The following FAM118B variants were observed in gnomAD, a reference collection of about 807,000 sequenced individuals.
FAM118B encodes SIR2 antiphage like 1, also known as protein FAM118B.
FAM118B carries 24 observed loss-of-function variants against 38.5 expected under a neutral mutation model. That is an observed-to-expected ratio of 0.62 (90% CI 0.45 to 0.88). The LOEUF (loss-of-function observed/expected upper bound fraction) is 0.88. FAM118B is among the 40% of genes least tolerant of loss of function. The pLI is 0.00. For synonymous variants in FAM118B, 138 were observed against 156.3 expected (o/e 0.88, Z 0.87); for missense variants, 334 against 420.0 (o/e 0.80, Z 1.79).
At chr11:126,237,295 AC>A (rs1202088170) in intron 3 of FAM118B, among the ~76,000 whole-genome samples, 2 of 127,360 alleles carry the variant, frequency 1.6e-5, no homozygotes, top group African/African-American at 6.1e-5. Context: ...ATCTCAGCTC[AC>A]TGCAACCTCT....
intron 2 of FAM118B, 62 bp from the exon 3 acceptor site, chr11:126,234,933 G>A: frequency 7.6e-7 from 1 of 1,317,074 alleles, no homozygotes. Flanking sequence ...TAATATATGT[G>A]CTATTTTGAA....
intron 1 of FAM118B, among the ~76,000 whole-genome samples, chr11:126,216,202 C>G (rs1385908439): frequency 6.6e-6 from 1 of 151,904 alleles, no homozygotes; most frequent in Admixed American, 6.6e-5. Context: ...ATGGTGAAAC[C>G]CAATCTCTAC....
chr11:126,262,025 C>G (rs1010067579), intron 8 of FAM118B, 95 bp from the exon 9 acceptor site: 5 of 1,198,922 alleles, frequency 4.2e-6, no homozygotes, highest in Non-Finnish European at 6.1e-6. Flanking sequence ...GTCTTGCCTT[C>G]TGAAGGGTTA....
At position 126,253,721 on chromosome 11, in the gene FAM118B, G is replaced by T. The variant is rs1337344619; in HGVS notation, c.568-584G>T. On this transcript the variant is annotated intron_variant, in intron 5 of 8. Transcript: ENST00000533050. The surrounding 1 kb of genome is among the most constrained non-coding windows in gnomAD (Gnocchi z 5.1). ...CGCACCAGGGCTGAGTGATATAAGGGGACCATACTTCCCTGCAAGCAATTG... is the reference window on the plus strand; with the variant it reads ...CGCACCAGGGCTGAGTGATATAAGGTGACCATACTTCCCTGCAAGCAATTG... Among the ~76,000 whole-genome samples the T allele has an allele frequency of 6.6e-6, 1 of 152,094 alleles. No homozygotes were observed. The highest frequency in any genetic ancestry group is 1.5e-5 in the Non-Finnish European group (1 of 68,008).
In FAM118B at chr11:126,262,277, G is replaced by T; in HGVS notation, c.*144G>T. 1 of 805,896 alleles carries T rather than the reference G, an allele frequency of 1.2e-6. No individual in the cohort carries two copies. The highest frequency in any genetic ancestry group is 2.1e-6 in the Non-Finnish European group (1 of 487,098). The allele number at this position is 805,896 out of a possible 1,614,324, so 49.9% of individuals were successfully genotyped here. A position where few individuals can be genotyped will look rare whatever the true frequency, so the allele number is the denominator to read the frequency against. On this transcript the variant is annotated 3_prime_UTR_variant, in exon 9 of 9. Transcript: ENST00000533050. ...GTTGAAGGGCGGGGTAGAAGAGGGG[G>T]GAATGTTGCAGCGTAATCCTTCATA... is the stretch of plus-strand genomic sequence containing the variant.
chr11:126,254,508 A>AG, intron 6 of FAM118B, 75 bp downstream of exon 6: 4 of 1,567,490 alleles, frequency 2.6e-6, no homozygotes, highest in South Asian at 2.3e-5. Context: ...TAGATCTTAA[A>AG]GGGGAACATC....
intron 2 of FAM118B, among the ~76,000 whole-genome samples, chr11:126,232,045 C>CT (rs1328742730): frequency 2.0e-5 from 3 of 152,214 alleles, no homozygotes; most frequent in South Asian, 2.1e-4. Flanking sequence ...TAGTTTTGGA[C>CT]TTTAAGTTTT....
In FAM118B at chr11:126,254,363, A is replaced by G. The variant is rs139686612; in HGVS notation, c.626A>G (p.Tyr209Cys). 203 of 1,614,076 alleles carry G rather than the reference A, an allele frequency of 1.3e-4. No individual in the cohort carries two copies. The highest frequency in any genetic ancestry group is 1.7e-4 in the Non-Finnish European group (201 of 1,180,044). Residue 209 changes from tyrosine to cysteine, a missense_variant, in exon 6 of 9, where the codon TAC becomes TGC. Around this residue, in one of 3 missense-constraint regions of FAM118B, gnomAD observed 240 missense variants for 295.9 expected, o/e 0.81. Coordinates refer to ENST00000533050, the MANE Select transcript of FAM118B (RefSeq NM_024556.4). Reference protein sequence around the residue: ...KLSVLHIHGVYTNPSGIVLHP... With the variant: ...KLSVLHIHGVCTNPSGIVLHP... ...AGCGTGTTGCATATTCACGGAGTCT[A>G]CACCAACCCTAGTGGCATTGTCCTT...
chr11:126,262,294 T>C lies in FAM118B; in HGVS notation c.*161T>C, dbSNP rs1950717242. 1 of 677,946 alleles carries C rather than the reference T, an allele frequency of 1.5e-6. No homozygotes were observed. The highest frequency in any genetic ancestry group is 2.5e-6 in the Non-Finnish European group (1 of 394,522). The allele number at this position is 677,946 out of a possible 1,614,324, so 42.0% of individuals were successfully genotyped here. A position where few individuals can be genotyped will look rare whatever the true frequency, so the allele number is the denominator to read the frequency against. ...AAGAGGGGGGAATGTTGCAGCGTAA[T>C]CCTTCATACCACCTGGTTCTTGATA... On this transcript the variant is annotated 3_prime_UTR_variant, in exon 9 of 9. Coordinates refer to ENST00000533050, the MANE Select transcript of FAM118B (RefSeq NM_024556.4).
At chr11:126,228,127 T>A (rs1256323248) in intron 1 of FAM118B, among the ~76,000 whole-genome samples, 1 of 152,006 alleles carries the variant, frequency 6.6e-6, no homozygotes, top group Non-Finnish European at 1.5e-5. Flanking sequence ...TTCAGCTCTA[T>A]TTAAGTTGGA....
chr11:126,237,590 A>C (rs1950294218), intron 3 of FAM118B, among the ~76,000 whole-genome samples: 1 of 137,844 alleles, frequency 7.3e-6, no homozygotes, highest in Non-Finnish European at 1.6e-5. Flanking sequence ...TCATCCCAGC[A>C]CTTTGGGAGG....
chr11:126,216,520 T>C (rs1949981008), intron 1 of FAM118B, among the ~76,000 whole-genome samples: 1 of 152,220 alleles, frequency 6.6e-6, no homozygotes, highest in South Asian at 2.1e-4. Flanking sequence ...TCTTGAAACA[T>C]GATATAACAA....
rs763318469 is a variant in FAM118B, at chr11:126,253,860, C to T, written c.568-445C>T. ...TAAGACTTCTTGTGCCAACACTTTTCAAGCTTCTGCTTGTGTGTGTTTGCT... is the reference window on the plus strand; with the variant it reads ...TAAGACTTCTTGTGCCAACACTTTTTAAGCTTCTGCTTGTGTGTGTTTGCT... On this transcript the variant is annotated intron_variant, in intron 5 of 8. Transcript: ENST00000533050. The surrounding 1 kb of genome is among the most constrained non-coding windows in gnomAD (Gnocchi z 5.1). Among the ~76,000 whole-genome samples the T allele has an allele frequency of 6.6e-6, 1 of 152,182 alleles. No individual in the cohort carries two copies. Among genetic ancestry groups the T allele is most frequent in the Non-Finnish European group, 1.5e-5 (1 of 68,034 alleles).
At chr11:126,237,711 G>A (rs1312664190) in intron 3 of FAM118B, among the ~76,000 whole-genome samples, 4 of 146,294 alleles carry the variant, frequency 2.7e-5, no homozygotes, top group Non-Finnish European at 6.0e-5. Flanking sequence ...AAAAAAATTA[G>A]CGGGGCGTGG....
intron 4 of FAM118B, among the ~76,000 whole-genome samples, chr11:126,246,725 GCTA>G (rs1950423644): frequency 6.6e-6 from 1 of 152,204 alleles, no homozygotes; most frequent in South Asian, 2.1e-4. Flanking sequence ...ACAGGCTTGA[GCTA>G]CCATGCCAAT....
Position 126,218,347 on chromosome 11 carries a change from A to G in FAM118B, c.-77+6517A>G, listed in dbSNP as rs567210757. Among the ~76,000 whole-genome samples the G allele has an allele frequency of 4.2e-4, 64 of 152,266 alleles. 1 individual carries two copies. Among genetic ancestry groups the G allele is most frequent in the Admixed American group, 1.5e-3 (23 of 15,296 alleles). ...CCCACACCTCACTTTGGATGAATCC[A>G]CAAGTCTTTCCTTAAATGTCACCTC... On this transcript the variant is annotated intron_variant, in intron 1 of 8. Coordinates refer to ENST00000533050, the MANE Select transcript of FAM118B (RefSeq NM_024556.4).
chr11:126,230,892 C>T (rs1950199482), intron 2 of FAM118B, among the ~76,000 whole-genome samples: 2 of 152,212 alleles, frequency 1.3e-5, no homozygotes, highest in African/African-American at 2.4e-5. Context: ...TTCAAGTCCA[C>T]AAGTCCTCTG....
Position 126,254,371 on chromosome 11 carries a change from C to T in FAM118B, c.634C>T (p.Pro212Ser). The T allele has an allele frequency of 5.6e-6, 9 of 1,614,206 alleles. No individual in the cohort carries two copies. Among genetic ancestry groups the T allele is most frequent in the Non-Finnish European group, 7.6e-6 (9 of 1,180,034 alleles). The part of the protein sequence containing the change: ...VLHIHGVYTN[P>S]SGIVLHPAGY... ...GCATATTCACGGAGTCTACACCAAC[C>T]CTAGTGGCATTGTCCTTCATCCGGC... Residue 212 changes from proline to serine, a missense_variant, in exon 6 of 9, where the codon CCT becomes TCT. Transcript: ENST00000533050.
At chr11:126,230,004 T>C (rs542857790) in intron 2 of FAM118B, among the ~76,000 whole-genome samples, 2 of 152,200 alleles carry the variant, frequency 1.3e-5, no homozygotes, top group Non-Finnish European at 2.9e-5. Flanking sequence ...ACAGATCTTA[T>C]CTGACAGAAG....
Sources: allele counts gnomAD v4.1 joint callset (sites outside exome capture counted in the v4.1 genomes callset), GRCh38; gene constraint gnomAD v4.1.1; regional missense constraint gnomAD v4.1.1; non-coding constraint Gnocchi (gnomAD v3.1); transcripts MANE v1.5; gene names NCBI Gene and HGNC (gene_info 2026-07-23, HGNC 2026-07-21).